Variants in NREP observed in about 807,000 individuals in gnomAD.
NREP encodes the protein neuronal regeneration related protein.
In NREP, 5 loss-of-function variants were observed where a neutral mutation model predicts 8.6. The observed-to-expected ratio is 0.58, with a 90% confidence interval of 0.30 to 1.22. The LOEUF is 1.22. Ranked by LOEUF, NREP falls within the 50% of genes most tolerant of loss-of-function variation. The pLI is 0.07. For synonymous variants in NREP, 27 were observed against 28.0 expected (o/e 0.96, Z 0.11); for missense variants, 86 against 82.5 (o/e 1.04, Z -0.17).
chr5:111,757,899 C>G, upstream of NREP: 2 of 985,016 alleles, frequency 2.0e-6, no homozygotes, highest in Non-Finnish European at 2.4e-6. Flanking sequence ...GGCGGCCCGC[C>G]AGGGCCGTGG....
chr5:111,965,975 G>C (rs567997097), intron 2 of NREP, among the ~76,000 whole-genome samples: 1 of 152,264 alleles, frequency 6.6e-6, no homozygotes, highest in East Asian at 1.9e-4. Context: ...AGGTTAACAG[G>C]CTGCAACCGT....
intron 2 of NREP, among the ~76,000 whole-genome samples, chr5:111,882,379 G>T (rs1475348589): frequency 6.6e-6 from 1 of 152,206 alleles, no homozygotes; most frequent in East Asian, 1.9e-4. Context: ...GTGACGGGGA[G>T]AATGGAACTA....
chr5:111,780,769 T>C (rs1204585801), intron 2 of NREP, among the ~76,000 whole-genome samples: 1 of 152,200 alleles, frequency 6.6e-6, no homozygotes, highest in Admixed American at 6.5e-5. Context: ...CTATTGCTTT[T>C]TGCAGCAATT....
rs187994790 is a variant in NREP at position 111,945,225 on chromosome 5, A to C, written c.135+30049T>G. On this transcript the variant is annotated intron_variant, in intron 2 of 3. Coordinates refer to the NREP transcript ENST00000395634. ...ATAAATGATAAAGTCTAATGCTTTTATCCTAGTTTTCAAGGCTCCATATGA... is the reference window on the plus strand; with the variant it reads ...ATAAATGATAAAGTCTAATGCTTTTCTCCTAGTTTTCAAGGCTCCATATGA... 8.3e-4 allele frequency among the ~76,000 whole-genome samples: 127 copies of C among 152,228 alleles called. 1 individual carries two copies. Among genetic ancestry groups the C allele is most frequent in the African/African-American group, 2.7e-3 (114 of 41,560 alleles).
chr5:111,790,347 C>CTTTTTTTTTTTTTTTTTTTTTT (rs57775701), intron 2 of NREP, among the ~76,000 whole-genome samples: 4 of 59,640 alleles, frequency 6.7e-5, no homozygotes, highest in African/African-American at 6.9e-5. Flanking sequence ...AAAACCTTAA[C>CTTTTTTTTTTTTTTTTTTTTTT]TTTTTTTTTT....
intron 2 of NREP, among the ~76,000 whole-genome samples, chr5:111,807,028 G>A (rs1244752323): frequency 6.6e-6 from 1 of 151,912 alleles, no homozygotes; most frequent in Non-Finnish European, 1.5e-5. Flanking sequence ...TTTGCAACTT[G>A]GAAAGTCTAT....
upstream of NREP, chr5:111,757,676 C>A (rs1750819418): frequency 1.0e-6 from 1 of 983,666 alleles, no homozygotes; most frequent in African/African-American, 1.8e-5. Flanking sequence ...CCCCACTGCA[C>A]CGCGCGGCGC....
At chr5:111,736,497 C>A (rs970461926) in intron 2 of NREP, among the ~76,000 whole-genome samples, 1 of 152,112 alleles carries the variant, frequency 6.6e-6, no homozygotes, top group African/African-American at 2.4e-5. Context: ...ACCTCATTAA[C>A]AGATTAACAA....
intron 2 of NREP, among the ~76,000 whole-genome samples, chr5:111,884,023 T>C (rs9686909): frequency 3.2e-4 from 49 of 151,670 alleles, no homozygotes; most frequent in Non-Finnish European, 3.5e-4. Flanking sequence ...CAAAAAATTA[T>C]TGAATCCAGG....
chr5:111,808,302 G>A (rs561845814), intron 2 of NREP, among the ~76,000 whole-genome samples: 5 of 152,284 alleles, frequency 3.3e-5, no homozygotes, highest in African/African-American at 1.2e-4. Context: ...TGCTGGGGAG[G>A]GGGTGTCTAT....
intron 2 of NREP, among the ~76,000 whole-genome samples, chr5:111,851,443 G>A (rs1440178758): frequency 6.6e-6 from 1 of 152,124 alleles, no homozygotes; most frequent in Non-Finnish European, 1.5e-5. Flanking sequence ...TTATATATAC[G>A]TATGTGTGTG....
At chr5:111,816,039 T>A (rs1017700618) in intron 2 of NREP, among the ~76,000 whole-genome samples, 5 of 152,164 alleles carry the variant, frequency 3.3e-5, no homozygotes, top group Non-Finnish European at 5.9e-5. Context: ...ACAAGATTAA[T>A]GAAAGCCAGA....
chr5:111,916,673 T>A (rs1755068827), intron 2 of NREP, among the ~76,000 whole-genome samples: 1 of 152,178 alleles, frequency 6.6e-6, no homozygotes, highest in Non-Finnish European at 1.5e-5. Context: ...TTTCTCTCTC[T>A]GTACTTCAGT....
chr5:111,735,537 G>A (rs760321863), intron 2 of NREP, 30 bp from the exon 3 acceptor site: 1 of 1,519,316 alleles, frequency 6.6e-7, no homozygotes, highest in East Asian at 2.3e-5. Context: ...TACACATTCA[G>A]ATTAAAAACA....
intron 2 of NREP, among the ~76,000 whole-genome samples, chr5:111,926,904 C>A (rs546905254): frequency 6.6e-6 from 1 of 151,258 alleles, no homozygotes; most frequent in Non-Finnish European, 1.5e-5. Context: ...GTCCTCCATC[C>A]ATGGACCCGG....
chr5:111,894,950 G>A (rs1392081325), intron 2 of NREP, among the ~76,000 whole-genome samples: 1 of 152,216 alleles, frequency 6.6e-6, no homozygotes, highest in Non-Finnish European at 1.5e-5. Flanking sequence ...CTGAAGTACA[G>A]AATGTCTAGG....
chr5:111,900,836 A>G (rs1284648116), intron 2 of NREP, among the ~76,000 whole-genome samples: 1 of 152,190 alleles, frequency 6.6e-6, no homozygotes, highest in South Asian at 2.1e-4. Flanking sequence ...AAACTTATAA[A>G]TAACTAACAT....
chr5:111,732,621 A>G (rs1748693833), intron 3 of NREP: 1 of 151,018 alleles, frequency 6.6e-6, no homozygotes. Context: ...TTGTGAAAAT[A>G]ATTTCAATCT....
chr5:111,871,725 C>A (rs1157236456), intron 2 of NREP, among the ~76,000 whole-genome samples: 1 of 151,392 alleles, frequency 6.6e-6, no homozygotes, highest in African/African-American at 2.4e-5. Context: ...TTAGCCCAGG[C>A]CTACGGTTGG....
Sources: gnomAD v4.1 joint callset for allele counts (sites outside exome capture counted in the v4.1 genomes callset) on GRCh38, gnomAD v4.1.1 for gene constraint, MANE v1.5 for transcripts, NCBI Gene and HGNC (gene_info 2026-07-23, HGNC 2026-07-21) for gene names.